The following DIAPH3 variants were observed in gnomAD, a reference collection of about 807,000 sequenced individuals.
DIAPH3 encodes diaphanous related formin 3.
A neutral mutation model predicts 144.3 loss-of-function variants in DIAPH3; 117 were observed. The ratio of observed to expected loss-of-function variants is 0.81; its 90% CI spans 0.70 to 0.95. DIAPH3 has a LOEUF of 0.95. Among genes scored for constraint, DIAPH3 ranks in the 40% least tolerant of loss-of-function variants. The pLI is 0.00. For synonymous variants in DIAPH3, 519 were observed against 488.9 expected (o/e 1.06, Z -0.81); for missense variants, 1,421 against 1,412.7 (o/e 1.01, Z -0.09).
intron 15 of DIAPH3, 142 bp from the exon 16 acceptor site, chr13:59,971,302 A>G (rs75602409): frequency 2.6e-6 from 2 of 766,364 alleles, no homozygotes; most frequent in East Asian, 5.7e-5. Context: ...CCAAAAATCA[A>G]AATTCCAACA....
intron 25 of DIAPH3, among the ~76,000 whole-genome samples, chr13:59,782,156 T>TAAA (rs111792492): frequency 1.1e-3 from 173 of 151,206 alleles, no homozygotes; most frequent in African/African-American, 4.1e-3. Context: ...ACTTAAAAAT[T>TAAA]AAAAGAAGAA....
At chr13:59,884,664 G>C (rs1193026510) in intron 20 of DIAPH3, among the ~76,000 whole-genome samples, 1 of 151,706 alleles carries the variant, frequency 6.6e-6, no homozygotes, top group East Asian at 1.9e-4. Context: ...AAAAATTTTT[G>C]AGCTTGATTT....
At chr13:60,110,612 T>C (rs764821965) in intron 3 of DIAPH3, among the ~76,000 whole-genome samples, 19 of 152,182 alleles carry the variant, frequency 1.2e-4, no homozygotes, top group Non-Finnish European at 2.6e-4. Context: ...AGAAAGAATC[T>C]GTTTCTTATT....
chr13:60,145,060 G>A (rs756932168), intron 1 of DIAPH3, among the ~76,000 whole-genome samples: 1 of 152,184 alleles, frequency 6.6e-6, no homozygotes, highest in African/African-American at 2.4e-5. Context: ...GCGATTACTA[G>A]TATACCCAGC....
chr13:60,127,703 T>C (rs1175560653), intron 2 of DIAPH3, among the ~76,000 whole-genome samples: 2 of 152,128 alleles, frequency 1.3e-5, no homozygotes, highest in Non-Finnish European at 2.9e-5. Flanking sequence ...AGAATGCTGA[T>C]AAGTGTTTGT....
At chr13:60,006,185 A>G (rs1423601200) in intron 9 of DIAPH3, among the ~76,000 whole-genome samples, 2 of 152,234 alleles carry the variant, frequency 1.3e-5, no homozygotes, top group African/African-American at 4.8e-5. Flanking sequence ...ATTTACCTTT[A>G]TGTCTAACAG....
At chr13:59,689,770 GA>G (rs1016443335) in intron 27 of DIAPH3, among the ~76,000 whole-genome samples, 60 of 143,888 alleles carry the variant, frequency 4.2e-4, no homozygotes, top group Admixed American at 5.8e-4. Flanking sequence ...GGCAGATTAA[GA>G]AAAAAAACTG....
At chr13:60,140,996 G>A (rs1186609069) in intron 1 of DIAPH3, among the ~76,000 whole-genome samples, 1 of 152,082 alleles carries the variant, frequency 6.6e-6, no homozygotes, top group Non-Finnish European at 1.5e-5. Context: ...GTTGTCACCT[G>A]CTACAGACTT....
At chr13:60,082,556 ATAGTATTATTCAAGATCCT>A (rs2057596601) in intron 4 of DIAPH3, among the ~76,000 whole-genome samples, 2 of 151,772 alleles carry the variant, frequency 1.3e-5, no homozygotes, top group South Asian at 4.2e-4. Context: ...AGAAAAAAAA[ATAGTATTATTCAAGATCCT>A]ATAGTATTAT....
chr13:59,755,463 C>T (rs1044662860), intron 27 of DIAPH3, among the ~76,000 whole-genome samples: 1 of 151,816 alleles, frequency 6.6e-6, no homozygotes, highest in African/African-American at 2.4e-5. Flanking sequence ...ATTAGAGAAA[C>T]GGTTCATCAA....
intron 27 of DIAPH3, among the ~76,000 whole-genome samples, chr13:59,749,974 T>C (rs548236940): frequency 1.3e-5 from 2 of 152,102 alleles, no homozygotes; most frequent in South Asian, 4.2e-4. Flanking sequence ...ATACATGGAG[T>C]TCTTTCAAGG....
intron 14 of DIAPH3, 62 bp downstream of exon 14, chr13:59,980,733 G>A: frequency 7.0e-7 from 1 of 1,427,648 alleles, no homozygotes; most frequent in Non-Finnish European, 9.9e-7. Flanking sequence ...AATTCCCTGA[G>A]GCAGAAGCAT....
At chr13:59,743,538 G>C (rs1487231340) in intron 27 of DIAPH3, among the ~76,000 whole-genome samples, 1 of 152,098 alleles carries the variant, frequency 6.6e-6, no homozygotes, top group Non-Finnish European at 1.5e-5. Flanking sequence ...ACCCCTTAAA[G>C]GTCTGTGTGA....
intron 27 of DIAPH3, among the ~76,000 whole-genome samples, chr13:59,748,622 T>G (rs2036824924): frequency 6.6e-6 from 1 of 152,222 alleles, no homozygotes; most frequent in African/African-American, 2.4e-5. Flanking sequence ...AGCCTTTACT[T>G]TCATTGCTAC....
At chr13:59,777,668 T>C (rs545208919) in intron 25 of DIAPH3, among the ~76,000 whole-genome samples, 18 of 152,250 alleles carry the variant, frequency 1.2e-4, no homozygotes, top group African/African-American at 4.1e-4. Context: ...GTGTAGCACT[T>C]CGCACAAAAA....
intron 5 of DIAPH3, among the ~76,000 whole-genome samples, chr13:60,022,022 A>G (rs182081482): frequency 1.8e-4 from 27 of 152,296 alleles, no homozygotes; most frequent in Middle Eastern, 3.4e-3. Context: ...AGCAATTATG[A>G]ATGGTATTGT....
At chr13:59,854,853 G>A (rs892397057) in intron 22 of DIAPH3, among the ~76,000 whole-genome samples, 2 of 152,158 alleles carry the variant, frequency 1.3e-5, no homozygotes, top group African/African-American at 2.4e-5. Context: ...GATTAATGAT[G>A]TATTGATGAC....
intron 27 of DIAPH3, among the ~76,000 whole-genome samples, chr13:59,762,050 ATC>A (rs2037621937): frequency 8.4e-6 from 1 of 118,990 alleles, no homozygotes; most frequent in Non-Finnish European, 1.7e-5. Context: ...AAGCGTCAGC[ATC>A]TTTTTTTTTT....
intron 4 of DIAPH3, 99 bp from the exon 5 acceptor site, chr13:60,042,919 A>T: frequency 7.3e-7 from 1 of 1,375,732 alleles, no homozygotes; most frequent in South Asian, 1.2e-5. Flanking sequence ...CATAACTACT[A>T]TAATTAACAC....
Sources: gnomAD v4.1 joint callset for allele counts (sites outside exome capture counted in the v4.1 genomes callset) on GRCh38, gnomAD v4.1.1 for gene constraint, MANE v1.5 for transcripts, NCBI Gene and HGNC (gene_info 2026-07-23, HGNC 2026-07-21) for gene names.